PNPLA1: variants seen among roughly 807,000 people sequenced by gnomAD.
The protein encoded by PNPLA1 is patatin like domain 1, omega-hydroxyceramide transacylase.
A neutral mutation model predicts 51.7 loss-of-function variants in PNPLA1; 36 were observed. The observed-to-expected ratio is 0.70, with a 90% CI of 0.53 to 0.92. The LOEUF (loss-of-function observed/expected upper bound fraction) is 0.92, where lower values mean the gene tolerates loss of function less well. Ranked by LOEUF, PNPLA1 falls within the 40% of genes least tolerant of loss-of-function variation. The probability of loss-of-function intolerance (pLI) is 0.00; values close to 1 mark genes in which losing one functional copy is unlikely to be tolerated. For missense variants in PNPLA1, 658 were observed against 682.5 expected (o/e 0.96, Z 0.40); for synonymous variants, 293 against 280.1 (o/e 1.05, Z -0.46).
intron 8 of PNPLA1, among the ~76,000 whole-genome samples, chr6:36,310,565 T>G (rs775298521): frequency 6.6e-6 from 1 of 152,222 alleles, no homozygotes; most frequent in East Asian, 1.9e-4. Flanking sequence ...CCGATGTGAA[T>G]GTAATAATAT....
At chr6:36,296,253 G>GCAA (rs536408464) in intron 5 of PNPLA1, among the ~76,000 whole-genome samples, 95 of 152,280 alleles carry the variant, frequency 6.2e-4, no homozygotes, top group African/African-American at 2.3e-3. Context: ...TCTACTCTGG[G>GCAA]CAACAGAGTG....
chr6:36,273,611 A>G (rs1000643094), intron 1 of PNPLA1, among the ~76,000 whole-genome samples: 3 of 150,156 alleles, frequency 2.0e-5, no homozygotes, highest in Admixed American at 6.7e-5. Context: ...AAAATACAGC[A>G]TCTGGGTGCA....
intron 5 of PNPLA1, among the ~76,000 whole-genome samples, chr6:36,295,830 T>C (rs542953747): frequency 3.9e-5 from 6 of 152,302 alleles, no homozygotes; most frequent in Non-Finnish European, 5.9e-5. Context: ...ATGTCACTAG[T>C]TTATATTTGT....
At chr6:36,265,694 C>T (rs891284687), upstream of PNPLA1, among the ~76,000 whole-genome samples, 7 of 152,180 alleles carry the variant, frequency 4.6e-5, no homozygotes. Context: ...AAAACAAAGA[C>T]ATTGAGTTAT....
chr6:36,274,732 G>A (rs1356089870), intron 1 of PNPLA1, among the ~76,000 whole-genome samples: 6 of 152,110 alleles, frequency 3.9e-5, no homozygotes, highest in African/African-American at 7.2e-5. Context: ...TATGCCAACC[G>A]AATAAATGTG....
At chr6:36,248,927 G>A (rs1019332308) in intron 1 of PNPLA1, among the ~76,000 whole-genome samples, 6 of 152,210 alleles carry the variant, frequency 3.9e-5, no homozygotes, top group African/African-American at 1.4e-4. Flanking sequence ...ACTGCTTGTT[G>A]CACTGGATGC....
chr6:36,309,075 G>A (rs1486466062), intron 8 of PNPLA1, among the ~76,000 whole-genome samples: 1 of 152,160 alleles, frequency 6.6e-6, no homozygotes, highest in Non-Finnish European at 1.5e-5. Flanking sequence ...TGGGGTCCCT[G>A]GATGGGCACA....
intron 1 of PNPLA1, among the ~76,000 whole-genome samples, chr6:36,251,114 A>G (rs537400030): frequency 3.9e-5 from 6 of 152,274 alleles, no homozygotes; most frequent in Admixed American, 2.6e-4. Context: ...TTCTGCCTCA[A>G]ATTTCCTCAT....
chr6:36,309,403 T>C (rs1375392673), intron 8 of PNPLA1, among the ~76,000 whole-genome samples: 1 of 152,108 alleles, frequency 6.6e-6, no homozygotes, highest in East Asian at 1.9e-4. Context: ...TAGGAGCTCA[T>C]GGTCACGTTC....
chr6:36,296,978 G>A (rs1017939596), intron 5 of PNPLA1, among the ~76,000 whole-genome samples: 2 of 152,162 alleles, frequency 1.3e-5, no homozygotes, highest in African/African-American at 2.4e-5. Context: ...GATTAAAGGA[G>A]CAAAGCCACA....
chr6:36,270,754 G>A, intron 1 of PNPLA1, 90 bp downstream of exon 1: 1 of 1,427,468 alleles, frequency 7.0e-7, no homozygotes, highest in African/African-American at 1.4e-5. Flanking sequence ...GATGCTTTGG[G>A]GGACAAAGCC....
chr6:36,283,190 T>C (rs545126405), intron 1 of PNPLA1, among the ~76,000 whole-genome samples: 1 of 152,326 alleles, frequency 6.6e-6, no homozygotes, highest in South Asian at 2.1e-4. Flanking sequence ...GCAGACTTAT[T>C]AGAATCTCAC....
intron 8 of PNPLA1, among the ~76,000 whole-genome samples, chr6:36,310,825 G>C (rs907532018): frequency 6.6e-6 from 1 of 152,228 alleles, no homozygotes; most frequent in African/African-American, 2.4e-5. Flanking sequence ...CTTAGTGGGA[G>C]TTTCAGTTTC....
rs190491990 is a variant in PNPLA1, at chr6:36,280,018, C to T, written c.205+9354C>T. The stretch of plus-strand genomic sequence containing the variant: ...GTTAGGAGATCAAGACCATCCTGGC[C>T]AACACGGTGAAACCCTGTCTCTACT... On this transcript the variant is annotated intron_variant, in intron 1 of 8. Transcript: ENST00000636260. Among the ~76,000 whole-genome samples the T allele has an allele frequency of 1.2e-3, 189 of 151,924 alleles. 3 individuals are homozygous for T. In the South Asian group the frequency reaches 0.032, roughly 26 times the overall value.
At chr6:36,250,225 C>T (rs1310917706) in intron 1 of PNPLA1, among the ~76,000 whole-genome samples, 7 of 152,088 alleles carry the variant, frequency 4.6e-5, no homozygotes, top group South Asian at 2.1e-4. Flanking sequence ...CTTTTGTTCC[C>T]GGCTAAAGCA....
intron 1 of PNPLA1, among the ~76,000 whole-genome samples, chr6:36,243,729 TC>T (rs1769195471): frequency 6.6e-6 from 1 of 151,844 alleles, no homozygotes. Flanking sequence ...GACACTCACC[TC>T]CCCCAACTCT....
At chr6:36,271,067 T>C (rs973912697) in intron 1 of PNPLA1, among the ~76,000 whole-genome samples, 40 of 152,166 alleles carry the variant, frequency 2.6e-4, no homozygotes, top group African/African-American at 8.4e-4. Flanking sequence ...GCAAATACCC[T>C]TGGGAGAGGC....
intron 1 of PNPLA1, among the ~76,000 whole-genome samples, chr6:36,256,776 T>C (rs1045681061): frequency 6.6e-6 from 1 of 152,132 alleles, no homozygotes; most frequent in African/African-American, 2.4e-5. Flanking sequence ...TTTGAGAATT[T>C]TGTCTGAAAT....
chr6:36,312,373 AGACCCCTGTGTAAT>A lies in PNPLA1; in HGVS notation c.*490_*503del, dbSNP rs947790030. ...GGAGATTACATTTGCAAGCAGCAAA[AGACCCCTGTGTAAT>A]GAAATGAACCCCCTAACTGGCTTTT... On this transcript the variant is annotated 3_prime_UTR_variant, in exon 9 of 9. Transcript: ENST00000636260. The A allele has an allele frequency of 2.0e-5, 3 of 152,340 alleles. No individual in the cohort carries two copies. The highest frequency in any genetic ancestry group is 7.2e-5 in the African/African-American group (3 of 41,582). The allele number at this position is 152,340 out of a possible 1,614,324, so 9.4% of individuals were successfully genotyped here. A position where few individuals can be genotyped will look rare whatever the true frequency, so the allele number is the denominator to read the frequency against.
Sources: allele counts gnomAD v4.1 joint callset (sites outside exome capture counted in the v4.1 genomes callset), GRCh38; gene constraint gnomAD v4.1.1; transcripts MANE v1.5; gene names NCBI Gene and HGNC (gene_info 2026-07-23, HGNC 2026-07-21).